Variants in CSMD3 observed in about 807,000 individuals in gnomAD.
CSMD3 encodes the protein CUB and sushi domain-containing protein 3.
In CSMD3, 177 loss-of-function variants were observed where a neutral mutation model predicts 435.2. The observed-to-expected ratio is 0.41, with a 90% CI of 0.36 to 0.46. The LOEUF is 0.46. CSMD3 is among the 20% of genes least tolerant of loss of function. The probability of loss-of-function intolerance (pLI) is 0.34; values close to 1 mark genes in which losing one functional copy is unlikely to be tolerated. For synonymous variants in CSMD3, 1,656 were observed against 1,520.5 expected, an observed-to-expected ratio of 1.09 and a Z score of -2.07; for missense variants, 4,265 against 4,504.6, an observed-to-expected ratio of 0.95 and a Z score of 1.52.
intron 8 of CSMD3, among the ~76,000 whole-genome samples, chr8:112,951,047 G>A (rs770191895): frequency 6.6e-6 from 1 of 151,774 alleles, no homozygotes; most frequent in Non-Finnish European, 1.5e-5. Context: ...TAATGAGAGA[G>A]CTTCTGTGTG....
At chr8:112,288,897 C>T (rs868711031) in intron 57 of CSMD3, among the ~76,000 whole-genome samples, 1 of 151,944 alleles carries the variant, frequency 6.6e-6, no homozygotes, top group African/African-American at 2.4e-5. Flanking sequence ...CAATTTACAA[C>T]ATTTTGGACT....
At chr8:112,435,024 A>G (rs1814166081) in intron 32 of CSMD3, among the ~76,000 whole-genome samples, 3 of 152,062 alleles carry the variant, frequency 2.0e-5, no homozygotes, top group Admixed American at 2.0e-4. Flanking sequence ...TGTTTTATCT[A>G]TTCTTAAGCA....
intron 1 of CSMD3, among the ~76,000 whole-genome samples, chr8:113,400,878 G>T (rs2133201570): frequency 6.6e-6 from 1 of 151,792 alleles, no homozygotes; most frequent in South Asian, 2.1e-4. Flanking sequence ...TTTATTGGTT[G>T]GAGAGTATTT....
At position 112,492,532 on chromosome 8, in the gene CSMD3, A is replaced by T. The variant is rs2130852627; in HGVS notation, c.5235T>A (p.Asp1745Glu). ...GYSTLTCIMG[D>E]DGRPGWNRAL... ...CTCTATTCCATCCAGGTCTTCCATC[A>T]TCTCCCATGATACAGGTGAGTGTTG... is the stretch of plus-strand genomic sequence containing the variant. Residue 1745 changes from aspartate (D) to glutamate (E), a missense_variant, in exon 31 of 71, where the codon GAT becomes GAA. Physicochemically the swap from Asp to Glu is conservative, Grantham distance 45. Coordinates refer to ENST00000297405, the MANE Select transcript of CSMD3 (RefSeq NM_198123.2). 2 of 1,614,008 alleles carry T rather than the reference A, an allele frequency of 1.2e-6. No individual in the cohort carries two copies. Among genetic ancestry groups the T allele is most frequent in the Non-Finnish European group, 1.7e-6 (2 of 1,179,926 alleles).
chr8:113,343,351 A>G (rs747396200), intron 1 of CSMD3, among the ~76,000 whole-genome samples: 4 of 152,174 alleles, frequency 2.6e-5, no homozygotes, highest in Admixed American at 2.6e-4. Flanking sequence ...TGGGAGATGG[A>G]CTTTATATCA....
intron 32 of CSMD3, among the ~76,000 whole-genome samples, chr8:112,419,162 C>T (rs1270445414): frequency 6.6e-6 from 1 of 152,050 alleles, no homozygotes; most frequent in Non-Finnish European, 1.5e-5. Context: ...AGATTCCAGG[C>T]ACTTATGGTT....
intron 32 of CSMD3, among the ~76,000 whole-genome samples, chr8:112,414,709 C>T (rs1176008225): frequency 4.6e-5 from 7 of 151,866 alleles, no homozygotes; most frequent in Non-Finnish European, 8.8e-5. Context: ...TTTGGAACTC[C>T]CTAAAGATTT....
intron 18 of CSMD3, among the ~76,000 whole-genome samples, chr8:112,651,536 A>G (rs60525351): frequency 0.16 from 24,508 of 149,198 alleles, 2,114 homozygotes; most frequent in Middle Eastern, 0.37. Context: ...CTAAGCACCC[A>G]GTGCATTTTT....
At chr8:112,849,790 T>C (rs140886015) in intron 11 of CSMD3, among the ~76,000 whole-genome samples, 120 of 151,982 alleles carry the variant, frequency 7.9e-4, no homozygotes, top group Middle Eastern at 3.4e-3. Flanking sequence ...GTAAAATACG[T>C]ATTTTAAGTT....
At chr8:112,297,951 T>C (rs1424477807) in intron 53 of CSMD3, among the ~76,000 whole-genome samples, 2 of 150,248 alleles carry the variant, frequency 1.3e-5, no homozygotes, top group African/African-American at 4.9e-5. Flanking sequence ...CAAGACCCTA[T>C]CTAAAAAATA....
chr8:112,246,691 C>T (rs945432453), intron 64 of CSMD3, among the ~76,000 whole-genome samples: 9 of 152,106 alleles, frequency 5.9e-5, no homozygotes, highest in African/African-American at 1.7e-4. Flanking sequence ...ATTGGTTCCT[C>T]GGGTATTTTA....
intron 4 of CSMD3, among the ~76,000 whole-genome samples, chr8:113,155,454 T>C (rs1166867145): frequency 6.6e-6 from 1 of 152,020 alleles, no homozygotes; most frequent in African/African-American, 2.4e-5. Context: ...GGCAGTTTTA[T>C]GAAACAAAGA....
intron 32 of CSMD3, among the ~76,000 whole-genome samples, chr8:112,430,924 A>T (rs943256743): frequency 9.5e-5 from 13 of 136,632 alleles, no homozygotes; most frequent in African/African-American, 2.7e-5. Flanking sequence ...GTGTGTGTTT[A>T]CTTTCACTTG....
intron 2 of CSMD3, among the ~76,000 whole-genome samples, chr8:113,297,545 G>A (rs192200024): frequency 6.6e-6 from 1 of 151,778 alleles, no homozygotes; most frequent in Admixed American, 6.6e-5. Flanking sequence ...GGACTAATTA[G>A]TAATCTAAAA....
chr8:112,394,845 T>G (rs2129808370), intron 35 of CSMD3, among the ~76,000 whole-genome samples: 1 of 152,360 alleles, frequency 6.6e-6, no homozygotes, highest in Non-Finnish European at 1.5e-5. Flanking sequence ...TCTTATATTC[T>G]TATTCAAAAC....
chr8:113,256,354 G>A (rs1245258773), intron 3 of CSMD3, among the ~76,000 whole-genome samples: 1 of 151,978 alleles, frequency 6.6e-6, no homozygotes, highest in Non-Finnish European at 1.5e-5. Flanking sequence ...AATAATTTAA[G>A]TACAAAGAAA....
chr8:113,007,395 A>G (rs1256095673), intron 6 of CSMD3, among the ~76,000 whole-genome samples: 1 of 151,944 alleles, frequency 6.6e-6, no homozygotes, highest in Non-Finnish European at 1.5e-5. Flanking sequence ...CAATATAATT[A>G]GTGTGTTTCT....
intron 27 of CSMD3, among the ~76,000 whole-genome samples, chr8:112,548,520 T>C (rs1177573405): frequency 6.6e-6 from 1 of 152,174 alleles, no homozygotes. Flanking sequence ...AGGCATCTGC[T>C]AGTTGTATGA....
chr8:112,681,299 G>A (rs1563845779), intron 16 of CSMD3, among the ~76,000 whole-genome samples: 1 of 151,352 alleles, frequency 6.6e-6, no homozygotes, highest in Non-Finnish European at 1.5e-5. Context: ...TGATCCGCCC[G>A]CCTTGGCCTC....
Sources: gnomAD v4.1 joint callset for allele counts (sites outside exome capture counted in the v4.1 genomes callset) on GRCh38, gnomAD v4.1.1 for gene constraint, MANE v1.5 for transcripts, NCBI Gene and HGNC (gene_info 2026-07-23, HGNC 2026-07-21) for gene names.